The following FRY variants were observed in gnomAD, a reference collection of about 807,000 sequenced individuals.
FRY encodes the protein protein furry homolog.
A neutral mutation model predicts 348.4 loss-of-function variants in FRY; 128 were observed. The observed-to-expected ratio is 0.37, with a 90% CI of 0.32 to 0.43. The LOEUF (loss-of-function observed/expected upper bound fraction) is 0.43, where lower values mean the gene tolerates loss of function less well. FRY is among the 20% of genes least tolerant of loss of function. FRY has a pLI of 1.00. For synonymous variants in FRY, 1,370 were observed against 1,374.7 expected, an observed-to-expected ratio of 1.00 and a Z score of 0.08; for missense variants, 2,736 against 3,695.2, an observed-to-expected ratio of 0.74 and a Z score of 6.73.
intron 60 of FRY, among the ~76,000 whole-genome samples, chr13:32,294,972 T>A (rs969074917): frequency 3.3e-5 from 5 of 152,202 alleles, no homozygotes; most frequent in African/African-American, 9.7e-5. Flanking sequence ...ATACTTTTGA[T>A]ATTTTACCAA....
chr13:32,122,027 G>C (rs1339893850), intron 4 of FRY, among the ~76,000 whole-genome samples: 1 of 152,156 alleles, frequency 6.6e-6, no homozygotes, highest in African/African-American at 2.4e-5. Flanking sequence ...ACCATTTGTT[G>C]AAAAGGGTGC....
chr13:32,252,213 G>A (rs1887118986), intron 50 of FRY, among the ~76,000 whole-genome samples: 1 of 150,946 alleles, frequency 6.6e-6, no homozygotes, highest in South Asian at 2.1e-4. Context: ...TAATTTATTG[G>A]ATTTTTTTTT....
At chr13:32,216,540 G>GCA (rs1885002758) in intron 35 of FRY, among the ~76,000 whole-genome samples, 1 of 152,236 alleles carries the variant, frequency 6.6e-6, no homozygotes, top group East Asian at 1.9e-4. Flanking sequence ...CCGACATAGA[G>GCA]CACAGTTCAT....
chr13:32,072,193 G>T (rs528417326), intron 1 of FRY, among the ~76,000 whole-genome samples: 2 of 152,174 alleles, frequency 1.3e-5, no homozygotes, highest in African/African-American at 4.8e-5. Flanking sequence ...TAAGTGAAAG[G>T]AGGAATGTAT....
chr13:32,056,127 G>A (rs1289684566), intron 1 of FRY, among the ~76,000 whole-genome samples: 2 of 149,736 alleles, frequency 1.3e-5, no homozygotes, highest in African/African-American at 4.9e-5. Flanking sequence ...GGAGGCGGAG[G>A]TTGCAGTGAG....
Position 32,239,887 on chromosome 13 carries a change from C to CTTTTTTTTTTTTTTTTTTTTTTT in FRY, c.6687+17_6687+18insTTTTTTTTTTTTTTTTTTTTTTT. 1 of 1,260,068 alleles carries CTTTTTTTTTTTTTTTTTTTTTTT rather than the reference C, an allele frequency of 7.9e-7. No homozygotes were observed. Among genetic ancestry groups the CTTTTTTTTTTTTTTTTTTTTTTT allele is most frequent in the Non-Finnish European group, 1.1e-6 (1 of 909,006 alleles). 78.1% of individuals were successfully genotyped at this position (1,260,068 alleles called of 1,614,324 possible). A position where few individuals can be genotyped will look rare whatever the true frequency, so the allele number is the denominator to read the frequency against. Reference sequence around the variant, plus strand: ...TGGTTACCTACCTGGCAGAGGTAAGCTTTTTTTTTTTGTTTTTTGAGACAG... The same window carrying CTTTTTTTTTTTTTTTTTTTTTTT: ...TGGTTACCTACCTGGCAGAGGTAAGCTTTTTTTTTTTTTTTTTTTTTTTTTTTTTTTTTTGTTTTTTGAGACAG... On this transcript the variant is annotated splice_region_variant and intron_variant, in intron 46 of 60. Coordinates refer to ENST00000542859, the MANE Select transcript of FRY (RefSeq NM_023037.3). This position sits in a 1 kb window ranked among gnomAD's most constrained non-coding sequence, Gnocchi z 4.3.
chr13:32,054,854 G>A (rs757510982), intron 1 of FRY, among the ~76,000 whole-genome samples: 30 of 152,054 alleles, frequency 2.0e-4, no homozygotes, highest in African/African-American at 5.6e-4. Flanking sequence ...CAGCCTGGGC[G>A]ACGGAGCGAG....
intron 27 of FRY, among the ~76,000 whole-genome samples, chr13:32,186,771 G>A (rs931188260): frequency 6.6e-6 from 1 of 151,978 alleles, no homozygotes; most frequent in Non-Finnish European, 1.5e-5. Flanking sequence ...TATCCTAGAA[G>A]ACTGCCAGAA....
At chr13:32,065,838 A>T (rs991294438) in intron 1 of FRY, among the ~76,000 whole-genome samples, 10 of 152,154 alleles carry the variant, frequency 6.6e-5, no homozygotes, top group African/African-American at 2.4e-5. Flanking sequence ...TCTTGGCCTC[A>T]AGTGATCGTC....
chr13:32,203,722 C>A (rs1418682797), intron 31 of FRY, among the ~76,000 whole-genome samples: 1 of 150,048 alleles, frequency 6.7e-6, no homozygotes. Context: ...GACTCTGTCT[C>A]AAAAAAAAAA....
chr13:32,129,813 C>T (rs1879237136), intron 7 of FRY, among the ~76,000 whole-genome samples: 1 of 152,168 alleles, frequency 6.6e-6, no homozygotes, highest in Non-Finnish European at 1.5e-5. Flanking sequence ...ATAAAATGGA[C>T]ACCATGTTAC....
chr13:32,286,747 CAAAAAAAAAAAAAAA>C (rs6144991), intron 58 of FRY, among the ~76,000 whole-genome samples: 17 of 77,508 alleles, frequency 2.2e-4, no homozygotes, highest in South Asian at 5.0e-4. Flanking sequence ...GACTCTGTCT[CAAAAAAAAAAAAAAA>C]AAAAAAAAAA....
At chr13:32,213,037 A>G (rs551774677) in intron 35 of FRY, among the ~76,000 whole-genome samples, 1 of 152,300 alleles carries the variant, frequency 6.6e-6, no homozygotes, top group South Asian at 2.1e-4. Context: ...AAAAAATGAA[A>G]ATTAGGATGA....
rs547483897 is a variant in FRY at position 32,056,140 on chromosome 13, G to C, written c.71-22694G>C. 1.7e-4 allele frequency among the ~76,000 whole-genome samples: 26 copies of C among 148,600 alleles called. No individual in the cohort carries two copies. In the East Asian group the frequency reaches 5.2e-3, roughly 29 times the overall value. ...CGGGAGGCGGAGGTTGCAGTGAGCT[G>C]AGGTCGCATCACTGCACTCCAGCCT... is the stretch of plus-strand genomic sequence containing the variant. On this transcript the variant is annotated intron_variant, in intron 1 of 60. Coordinates refer to ENST00000542859, the MANE Select transcript of FRY (RefSeq NM_023037.3).
At position 32,207,852 on chromosome 13, in the gene FRY, C is replaced by A. The variant is rs549202116; in HGVS notation, c.4019-1001C>A. 2.0e-4 allele frequency among the ~76,000 whole-genome samples: 31 copies of A among 152,264 alleles called. 1 individual carries two copies. In the South Asian group the frequency reaches 6.0e-3, roughly 30 times the overall value. On this transcript the variant is annotated intron_variant, in intron 31 of 60. Coordinates refer to ENST00000542859, the MANE Select transcript of FRY (RefSeq NM_023037.3). Reference sequence around the variant, plus strand: ...ATTTAGCAGCCATGAGCCCTCTAAGCGAGATTGCATTGCCACACTGGATCA... The same window carrying A: ...ATTTAGCAGCCATGAGCCCTCTAAGAGAGATTGCATTGCCACACTGGATCA...
At position 32,173,541 on chromosome 13, in the gene FRY, C is replaced by G. The variant is rs773122629; in HGVS notation, c.2326C>G (p.Gln776Glu). 6.2e-7 allele frequency: 1 copy of G among 1,612,362 alleles called. No individual in the cohort carries two copies. The highest frequency in any genetic ancestry group is 1.1e-5 in the South Asian group (1 of 91,026). ...TCGAGCGTTGTTTATTGCCCTGGGG[C>G]AGCCTGAGGTATGGATTAGTCTTCT... ...EIRALFIALG[Q>E]PEDDDRPMID... The change falls in exon 19 of 61, where the codon CAG becomes GAG. Residue 776 changes from glutamine to glutamate, a missense_variant. Physicochemically the swap from Gln to Glu is conservative, Grantham distance 29. This residue lies in a region of FRY where 449 missense variants were observed against 576.9 expected (regional missense o/e 0.78). Coordinates refer to ENST00000542859, the MANE Select transcript of FRY (RefSeq NM_023037.3).
rs1885955018 is a variant in FRY at position 32,232,227 on chromosome 13, C to A, written c.5527+927C>A. On this transcript the variant is annotated intron_variant, in intron 41 of 60. Coordinates refer to ENST00000542859, the MANE Select transcript of FRY (RefSeq NM_023037.3). ...TGTAAACCATTAATTAATCTAAAATCTTGGATTGAATGAAAATAATAAACA... is the reference window on the plus strand; with the variant it reads ...TGTAAACCATTAATTAATCTAAAATATTGGATTGAATGAAAATAATAAACA... Among the ~76,000 whole-genome samples the A allele has an allele frequency of 2.0e-5, 3 of 152,272 alleles. No homozygotes were observed. In the South Asian group the frequency reaches 6.2e-4, roughly 32 times the overall value.
intron 55 of FRY, among the ~76,000 whole-genome samples, chr13:32,273,383 C>T (rs1338759414): frequency 1.3e-5 from 2 of 151,894 alleles, no homozygotes; most frequent in Non-Finnish European, 2.9e-5. Flanking sequence ...CCACCTCGCC[C>T]GGCTAATTTT....
chr13:32,293,038 T>C (rs1402402177), intron 59 of FRY, among the ~76,000 whole-genome samples: 2 of 152,150 alleles, frequency 1.3e-5, no homozygotes, highest in East Asian at 1.9e-4. Context: ...TTAGACTTAG[T>C]GTATTTAGAC....
Sources: allele counts gnomAD v4.1 joint callset (sites outside exome capture counted in the v4.1 genomes callset), GRCh38; gene constraint gnomAD v4.1.1; regional missense constraint gnomAD v4.1.1; non-coding constraint Gnocchi (gnomAD v3.1); transcripts MANE v1.5; gene names NCBI Gene and HGNC (gene_info 2026-07-23, HGNC 2026-07-21).